The following LYST variants were observed in gnomAD, a reference collection of about 807,000 sequenced individuals.
LYST encodes the protein lysosomal trafficking regulator.
A neutral mutation model predicts 413.6 loss-of-function variants in LYST; 192 were observed. That is an observed-to-expected ratio of 0.46 (90% CI 0.41 to 0.52). The LOEUF (loss-of-function observed/expected upper bound fraction) is 0.52. Ranked by LOEUF, LYST falls within the 20% of genes least tolerant of loss-of-function variation. The pLI, the probability that LYST is intolerant of heterozygous loss-of-function variation, is 0.00. For missense variants in LYST, 3,815 were observed against 4,499.9 expected, an observed-to-expected ratio of 0.85 and a Z score of 4.35; for synonymous variants, 1,525 against 1,567.3, an observed-to-expected ratio of 0.97 and a Z score of 0.64.
chr1:235,685,198 T>G (rs1252351008), intron 48 of LYST, among the ~76,000 whole-genome samples: 1 of 152,206 alleles, frequency 6.6e-6, no homozygotes, highest in Non-Finnish European at 1.5e-5. Context: ...ACAGGCTCCC[T>G]GATGTCTGGA....
chr1:235,830,422 G>T lies in LYST; in HGVS notation c.-5C>A. On this transcript the variant is annotated splice_region_variant and 5_prime_UTR_variant, in exon 3 of 53. Transcript: ENST00000389793. Reference sequence around the variant, plus strand: ...TGAGTTACTGTCGGTGCTCATGACCGAGCTATAAAATAAGTATTACAAAAA... The same window carrying T: ...TGAGTTACTGTCGGTGCTCATGACCTAGCTATAAAATAAGTATTACAAAAA... 1 of 1,603,704 alleles carries T rather than the reference G, an allele frequency of 6.2e-7. No individual in the cohort carries two copies. Among genetic ancestry groups the T allele is most frequent in the Non-Finnish European group, 8.5e-7 (1 of 1,173,584 alleles).
intron 1 of LYST, among the ~76,000 whole-genome samples, chr1:235,837,975 C>G (rs1676748226): frequency 1.3e-5 from 2 of 151,816 alleles, no homozygotes; most frequent in Admixed American, 1.3e-4. Flanking sequence ...AGAGAGAATT[C>G]TAGGAACAAT....
intron 44 of LYST, among the ~76,000 whole-genome samples, chr1:235,704,162 G>A (rs1218320812): frequency 6.6e-6 from 1 of 152,156 alleles, no homozygotes; most frequent in Non-Finnish European, 1.5e-5. Context: ...GTCATTGATA[G>A]CCATTTAGGT....
chr1:235,730,567 A>ATGTGTGTG (rs4006790), intron 36 of LYST, among the ~76,000 whole-genome samples: 1 of 137,622 alleles, frequency 7.3e-6, no homozygotes, highest in South Asian at 2.4e-4. Context: ...ACATATTTAT[A>ATGTGTGTG]TGTGTGTGTG....
At chr1:235,697,004 TAGC>T (rs2103085327) in intron 46 of LYST, 76 bp downstream of exon 46, 1 of 1,377,694 alleles carries the variant, frequency 7.3e-7, no homozygotes, top group Non-Finnish European at 1.0e-6. Flanking sequence ...GGACTCAAAG[TAGC>T]AGCACAGATG....
Position 235,689,047 on chromosome 1 carries a change from C to CAACAATAAT in LYST, c.10702-2001_10702-2000insATTATTGTT, listed in dbSNP as rs1553265863. 3.8e-4 allele frequency among the ~76,000 whole-genome samples: 54 copies of CAACAATAAT among 141,446 alleles called. 1 individual carries two copies. The highest frequency in any genetic ancestry group is 1.0e-3 in the African/African-American group (38 of 37,808). 92.8% of individuals were successfully genotyped at this position (141,446 alleles called of 152,430 possible). ...ATAATAACAACAACAACAACAACAACAATAATATCCTAGCTGAATTTTCTC... is the reference window on the plus strand; with the variant it reads ...ATAATAACAACAACAACAACAACAACAACAATAATAATAATATCCTAGCTGAATTTTCTC... On this transcript the variant is annotated intron_variant, in intron 47 of 52. Transcript: ENST00000389793.
At chr1:235,715,022 T>C (rs1187652545) in intron 42 of LYST, among the ~76,000 whole-genome samples, 179 bp downstream of exon 42, 1 of 152,218 alleles carries the variant, frequency 6.6e-6, no homozygotes. Flanking sequence ...ATTAGCAAGA[T>C]GATTTGGCTT....
intron 45 of LYST, among the ~76,000 whole-genome samples, chr1:235,697,774 C>T (rs184443731): frequency 7.2e-5 from 11 of 152,088 alleles, no homozygotes; most frequent in East Asian, 1.9e-4. Flanking sequence ...CAAATAGATA[C>T]GTGATGAGTG....
At chr1:235,758,051 C>A (rs961646058) in intron 23 of LYST, among the ~76,000 whole-genome samples, 2 of 152,178 alleles carry the variant, frequency 1.3e-5, no homozygotes, top group African/African-American at 2.4e-5. Context: ...AAACCTCCAT[C>A]TAAATATCCT....
At chr1:235,697,683 C>T (rs754616998) in intron 45 of LYST, among the ~76,000 whole-genome samples, 2 of 152,154 alleles carry the variant, frequency 1.3e-5, no homozygotes, top group African/African-American at 2.4e-5. Context: ...GCACAGGAAA[C>T]CTCACTCAGC....
At chr1:235,743,288 C>T (rs933888346) in intron 30 of LYST, among the ~76,000 whole-genome samples, 2 of 152,182 alleles carry the variant, frequency 1.3e-5, no homozygotes, top group African/African-American at 4.8e-5. Context: ...AACAGCTCCT[C>T]TCTAATTACA....
chr1:235,784,425 C>A (rs188320362), intron 14 of LYST, among the ~76,000 whole-genome samples: 13 of 152,346 alleles, frequency 8.5e-5, no homozygotes, highest in Admixed American at 8.5e-4. Flanking sequence ...TCTAATCTCT[C>A]ATTCTGAACA....
At position 235,663,952 on chromosome 1, in the gene LYST, T is replaced by C. The variant is rs752845472; in HGVS notation, c.11267+32A>G. On this transcript the variant is annotated intron_variant, in intron 52 of 52. Coordinates refer to ENST00000389793, the MANE Select transcript of LYST (RefSeq NM_000081.4). ...ACGAAAAATACAATCACAAATTGTA[T>C]TCTGAAGCATAAGAGGGGGAGAAGA... The C allele has an allele frequency of 2.0e-6, 3 of 1,496,246 alleles. No homozygotes were observed. In the South Asian group the frequency reaches 3.4e-5, roughly 17 times the overall value. 92.7% of individuals were successfully genotyped at this position (1,496,246 alleles called of 1,614,324 possible).
rs1558261064 is a variant in LYST at position 235,798,576 on chromosome 1, C to CTTAAAAAAAAAAAAAAAAAAAA, written c.4006+1743_4006+1744insTTTTTTTTTTTTTTTTTTTTAA. Among the ~76,000 whole-genome samples, 2 of 24,524 alleles carry CTTAAAAAAAAAAAAAAAAAAAA rather than the reference C, an allele frequency of 8.2e-5. 1 individual carries two copies. Among genetic ancestry groups the CTTAAAAAAAAAAAAAAAAAAAA allele is most frequent in the African/African-American group, 2.7e-4 (2 of 7,308 alleles). The allele number at this position is 24,524 out of a possible 152,430, so 16.1% of individuals were successfully genotyped here. A position where few individuals can be genotyped will look rare whatever the true frequency, so the allele number is the denominator to read the frequency against. On this transcript the variant is annotated intron_variant, in intron 10 of 52. Coordinates refer to ENST00000389793, the MANE Select transcript of LYST (RefSeq NM_000081.4). ...CTTGGCGACAAGGGCAAAACCCTGT[C>CTTAAAAAAAAAAAAAAAAAAAA]ATAAAAAAAAAAAAAAAAAAAAAAA... is the stretch of plus-strand genomic sequence containing the variant.
chr1:235,787,100 A>C (rs1558243427), intron 14 of LYST, 100 bp downstream of exon 14: 8 of 888,882 alleles, frequency 9.0e-6, no homozygotes, highest in Non-Finnish European at 1.3e-5. Context: ...TATAGTAAAA[A>C]CCTAGAAGTT....
intron 3 of LYST, 56 bp from the exon 4 acceptor site, chr1:235,813,117 C>A: frequency 2.0e-6 from 2 of 1,010,810 alleles, no homozygotes; most frequent in South Asian, 1.3e-5. Context: ...CACATCAGTT[C>A]CTAATGTCTT....
chr1:235,710,668 CA>C (rs1351948335), intron 43 of LYST, among the ~76,000 whole-genome samples: 1 of 152,196 alleles, frequency 6.6e-6, no homozygotes, highest in African/African-American at 2.4e-5. Context: ...CATCACAAGG[CA>C]AAGTCTATCT....
intron 44 of LYST, among the ~76,000 whole-genome samples, chr1:235,708,214 T>C (rs1204948836): frequency 6.6e-6 from 1 of 152,158 alleles, no homozygotes; most frequent in Non-Finnish European, 1.5e-5. Context: ...TAAAGGTGCT[T>C]TCACTATTTA....
chr1:235,688,914 G>C (rs373640642), intron 47 of LYST, among the ~76,000 whole-genome samples: 2 of 151,612 alleles, frequency 1.3e-5, no homozygotes, highest in South Asian at 2.1e-4. Context: ...GAACCCAGGA[G>C]GGGGAGGTTG....
Sources: allele counts gnomAD v4.1 joint callset (sites outside exome capture counted in the v4.1 genomes callset), GRCh38; gene constraint gnomAD v4.1.1; transcripts MANE v1.5; gene names NCBI Gene and HGNC (gene_info 2026-07-23, HGNC 2026-07-21).